Variants in ANKHD1 observed in about 807,000 individuals in gnomAD.
ANKHD1 encodes the protein ankyrin repeat and KH domain-containing protein 1.
ANKHD1 carries 31 observed loss-of-function variants against 230.5 expected under a neutral mutation model. The ratio of observed to expected loss-of-function variants is 0.13; its 90% CI spans 0.10 to 0.18. The LOEUF (loss-of-function observed/expected upper bound fraction) is 0.18, where lower values mean the gene tolerates loss of function less well. ANKHD1 is among the 10% of genes least tolerant of loss of function. ANKHD1 has a pLI of 1.00. For missense variants in ANKHD1, 2,256 were observed against 3,071.3 expected, an observed-to-expected ratio of 0.73 and a Z score of 6.27; for synonymous variants, 1,074 against 1,117.6, an observed-to-expected ratio of 0.96 and a Z score of 0.78.
Position 140,401,979 on chromosome 5 carries a change from T to A in ANKHD1, c.12T>A (p.Asp4Glu). 1 of 1,563,262 alleles carries A rather than the reference T, an allele frequency of 6.4e-7. No individual in the cohort carries two copies. The highest frequency in any genetic ancestry group is 8.6e-7 in the Non-Finnish European group (1 of 1,159,540). MLT[D>E]SGGGGTSFEE... ...TCCGGGTGCGAACAATGCTGACTGA[T>A]AGCGGAGGCGGCGGCACCTCCTTTG... Residue 4 changes from aspartate (D) to glutamate (E), a missense_variant, in exon 1 of 34, where the codon GAT (aspartate) becomes GAA (glutamate). Asp to Glu is a conservative substitution (Grantham distance 45). Around this residue, in one of 13 missense-constraint regions of ANKHD1, gnomAD observed 193 missense variants for 185.8 expected, o/e 1.04. Transcript: ENST00000360839.
intron 7 of ANKHD1, among the ~76,000 whole-genome samples, chr5:140,454,896 A>C (rs1775045107): frequency 1.3e-5 from 2 of 152,176 alleles, no homozygotes; most frequent in Non-Finnish European, 1.5e-5. Flanking sequence ...GACACAAAAA[A>C]ACCCTTCAAA....
intron 6 of ANKHD1, among the ~76,000 whole-genome samples, chr5:140,447,769 GGACCCCAGCA>G (rs1774407144): frequency 6.6e-6 from 1 of 152,152 alleles, no homozygotes; most frequent in African/African-American, 2.4e-5. Context: ...ATGATAGCTA[GGACCCCAGCA>G]GTTCACATTC....
chr5:140,502,490 C>T (rs1288345707), intron 15 of ANKHD1, among the ~76,000 whole-genome samples: 1 of 152,102 alleles, frequency 6.6e-6, no homozygotes, highest in African/African-American at 2.4e-5. Context: ...CTCTAATCAA[C>T]TATTCAAAAA....
intron 10 of ANKHD1, among the ~76,000 whole-genome samples, chr5:140,468,052 C>CTTTTTTTTTTTTTTT (rs869172143): frequency 5.7e-5 from 3 of 52,412 alleles, no homozygotes; most frequent in African/African-American, 8.9e-5. Flanking sequence ...TGTACTAATT[C>CTTTTTTTTTTTTTTT]TTTTTTTTTT....
chr5:140,438,820 G>A (rs566955167), intron 3 of ANKHD1, among the ~76,000 whole-genome samples: 4 of 152,228 alleles, frequency 2.6e-5, no homozygotes, highest in East Asian at 1.9e-4. Flanking sequence ...GCTCTTATTC[G>A]TTGAGCATTC....
chr5:140,448,736 C>T (rs1471944203), intron 6 of ANKHD1, among the ~76,000 whole-genome samples: 2 of 152,072 alleles, frequency 1.3e-5, no homozygotes, highest in Non-Finnish European at 2.9e-5. Context: ...TTGTCATTTT[C>T]TTATTGACTA....
Position 140,537,600 on chromosome 5 carries a change from C to A in ANKHD1, c.7228+11C>A. The stretch of plus-strand genomic sequence containing the variant: ...TCAATGCTGTGTCAGGTACAATTGC[C>A]TTGCTCTCTCTCTGGAGGGATATCT... On this transcript the variant is annotated intron_variant, in intron 31 of 33. Coordinates refer to ENST00000360839, the MANE Select transcript of ANKHD1 (RefSeq NM_017747.3). 6.5e-7 allele frequency: 1 copy of A among 1,545,716 alleles called. No individual in the cohort carries two copies. The highest frequency in any genetic ancestry group is 1.3e-5 in the South Asian group (1 of 79,208).
At chr5:140,492,508 C>G (rs1469164282) in intron 14 of ANKHD1, among the ~76,000 whole-genome samples, 1 of 152,104 alleles carries the variant, frequency 6.6e-6, no homozygotes, top group Non-Finnish European at 1.5e-5. Flanking sequence ...TATTGAAGCC[C>G]AGGACACATC....
At chr5:140,467,797 G>C (rs1324079427) in intron 10 of ANKHD1, among the ~76,000 whole-genome samples, 4 of 152,150 alleles carry the variant, frequency 2.6e-5, no homozygotes, top group Non-Finnish European at 5.9e-5. Context: ...TCAGAGTAAA[G>C]CAGGCAGATT....
At chr5:140,475,576 A>G (rs1750917443) in intron 10 of ANKHD1, among the ~76,000 whole-genome samples, 1 of 152,180 alleles carries the variant, frequency 6.6e-6, no homozygotes. Context: ...AAAAACTAAA[A>G]AAAAGGGGGG....
intron 7 of ANKHD1, among the ~76,000 whole-genome samples, chr5:140,452,956 GC>G (rs1774869098): frequency 6.6e-6 from 1 of 152,254 alleles, no homozygotes; most frequent in Middle Eastern, 3.4e-3. Flanking sequence ...ACACAAAGAA[GC>G]TAAAAACCTT....
At chr5:140,488,868 C>T (rs1166976052) in intron 14 of ANKHD1, among the ~76,000 whole-genome samples, 1 of 152,002 alleles carries the variant, frequency 6.6e-6, no homozygotes, top group Non-Finnish European at 1.5e-5. Flanking sequence ...CCACTGCACT[C>T]CAGCCAGGGT....
At position 140,402,642 on chromosome 5, in the gene ANKHD1, A is replaced by G. The variant is rs1267340577; in HGVS notation, c.306+369A>G. On this transcript the variant is annotated intron_variant, in intron 1 of 33. Transcript: ENST00000360839. The stretch of plus-strand genomic sequence containing the variant: ...GAGAGAGACAAACAGAGACAGAGAC[A>G]GAGCTGGTGCAAAGATCGTTTCTCT... Among the ~76,000 whole-genome samples the G allele has an allele frequency of 2.6e-5, 4 of 152,344 alleles. No individual in the cohort carries two copies. In the East Asian group the frequency reaches 7.7e-4, roughly 29 times the overall value.
intron 1 of ANKHD1, among the ~76,000 whole-genome samples, chr5:140,412,617 A>C (rs1251578007): frequency 6.6e-6 from 1 of 152,250 alleles, no homozygotes; most frequent in African/African-American, 2.4e-5. Context: ...GGATTAAGAA[A>C]TAATTAAAAC....
chr5:140,495,462 G>T (rs1751991381), intron 14 of ANKHD1, among the ~76,000 whole-genome samples: 1 of 151,954 alleles, frequency 6.6e-6, no homozygotes, highest in African/African-American at 2.4e-5. Flanking sequence ...AGCCAGGATG[G>T]TCTCGATCTC....
At chr5:140,404,685 A>G (rs1294203549) in intron 1 of ANKHD1, among the ~76,000 whole-genome samples, 1 of 151,032 alleles carries the variant, frequency 6.6e-6, no homozygotes, top group Non-Finnish European at 1.5e-5. Context: ...TCGCCCTCTC[A>G]GAGTGCTGGG....
chr5:140,527,723 A>G lies in ANKHD1; in HGVS notation c.5088-150A>G. ...ATTCAATTCAATATTACAAGAGATCAATTTCTAAAATAAAAACTTTTAATA... is the reference window on the plus strand; with the variant it reads ...ATTCAATTCAATATTACAAGAGATCGATTTCTAAAATAAAAACTTTTAATA... On this transcript the variant is annotated intron_variant, in intron 27 of 33. Transcript: ENST00000360839. The surrounding 1 kb of genome is among the most constrained non-coding windows in gnomAD (Gnocchi z 4.5). The G allele has an allele frequency of 9.5e-7, 1 of 1,056,320 alleles. No individual in the cohort carries two copies. The highest frequency in any genetic ancestry group is 1.3e-6 in the Non-Finnish European group (1 of 789,342). 65.4% of individuals were successfully genotyped at this position (1,056,320 alleles called of 1,614,324 possible).
intron 7 of ANKHD1, among the ~76,000 whole-genome samples, chr5:140,454,469 A>T (rs937938104): frequency 3.3e-5 from 5 of 152,132 alleles, no homozygotes; most frequent in African/African-American, 9.7e-5. Flanking sequence ...GAAGTAAAGC[A>T]CTCCTCAGCA....
At chr5:140,500,425 G>A (rs569779893) in intron 15 of ANKHD1, among the ~76,000 whole-genome samples, 2 of 151,778 alleles carry the variant, frequency 1.3e-5, no homozygotes, top group Non-Finnish European at 2.9e-5. Context: ...GGCAGGCGGC[G>A]GATCACTTGA....
Sources: allele counts gnomAD v4.1 joint callset (sites outside exome capture counted in the v4.1 genomes callset), GRCh38; gene constraint gnomAD v4.1.1; regional missense constraint gnomAD v4.1.1; non-coding constraint Gnocchi (gnomAD v3.1); transcripts MANE v1.5; gene names NCBI Gene and HGNC (gene_info 2026-07-23, HGNC 2026-07-21).